The following ZNF28 variants were observed in gnomAD, a reference collection of about 807,000 sequenced individuals.
The protein encoded by ZNF28 is zinc finger protein 28.
ZNF28 carries 5 observed loss-of-function variants against 7.2 expected under a neutral mutation model. The ratio of observed to expected loss-of-function variants is 0.70; its 90% CI spans 0.36 to 1.46. ZNF28 has a LOEUF of 1.46. Among genes scored for constraint, ZNF28 ranks in the 40% most tolerant of loss-of-function variants. The pLI, the probability that ZNF28 is intolerant of heterozygous loss-of-function variation, is 0.03. For synonymous variants in ZNF28, 288 were observed against 292.4 expected, an observed-to-expected ratio of 0.99 and a Z score of 0.15; for missense variants, 879 against 866.6, an observed-to-expected ratio of 1.01 and a Z score of -0.18.
chr19:52,798,999 T>C lies in ZNF28; in HGVS notation c.*689A>G, dbSNP rs113544382. The C allele has an allele frequency of 8.2e-4, 749 of 909,026 alleles. 4 individuals are homozygous for C. In the African/African-American group the frequency reaches 0.011, roughly 13 times the overall value. 56.3% of individuals were successfully genotyped at this position (909,026 alleles called of 1,614,324 possible). A position where few individuals can be genotyped will look rare whatever the true frequency, so the allele number is the denominator to read the frequency against. ...AGGTGTGAATCACTCCCAAAAGCCT[T>C]GTTACAAACCTTACATTTGTATGTT... On this transcript the variant is annotated 3_prime_UTR_variant, in exon 4 of 4. Transcript: ENST00000457749.
chr19:52,807,859 A>G (rs1465980220), intron 3 of ZNF28, 148 bp downstream of exon 3: 1 of 1,264,134 alleles, frequency 7.9e-7, no homozygotes, highest in Non-Finnish European at 1.1e-6. Context: ...CAAAGGGGAC[A>G]GTGAAAGTCC....
chr19:52,811,949 C>T (rs2063052594), intron 2 of ZNF28, among the ~76,000 whole-genome samples: 1 of 64,602 alleles, frequency 1.5e-5, no homozygotes, highest in Admixed American at 1.2e-4. Flanking sequence ...CGCCTCTGCC[C>T]GGCCGCCCCT....
rs1373491106 is a variant in ZNF28, at chr19:52,817,981, T to C, written c.-23A>G. ...CATCCCTGACTCCTTTGCTTTCCTC[T>C]TCCTCTTCTGGGTTTCTTCCTCACG... On this transcript the variant is annotated 5_prime_UTR_variant, in exon 2 of 4. Coordinates refer to ENST00000457749, the MANE Select transcript of ZNF28 (RefSeq NM_006969.5). 4 of 1,610,908 alleles carry C rather than the reference T, an allele frequency of 2.5e-6. No homozygotes were observed. The highest frequency in any genetic ancestry group is 3.4e-6 in the Non-Finnish European group (4 of 1,179,784).
At position 52,799,216 on chromosome 19, in the gene ZNF28, GA is replaced by G; in HGVS notation, c.*471del. 2.5e-6 allele frequency: 1 copy of G among 392,420 alleles called. No homozygotes were observed. The highest frequency in any genetic ancestry group is 5.0e-6 in the Non-Finnish European group (1 of 201,752). 24.3% of individuals were successfully genotyped at this position (392,420 alleles called of 1,614,324 possible). A position where few individuals can be genotyped will look rare whatever the true frequency, so the allele number is the denominator to read the frequency against. On this transcript the variant is annotated 3_prime_UTR_variant, in exon 4 of 4. Coordinates refer to ENST00000457749, the MANE Select transcript of ZNF28 (RefSeq NM_006969.5). The stretch of plus-strand genomic sequence containing the variant: ...TTCTCTCCAATACGAATTGCCTTTT[GA>G]ATTACAAGGTATGAATTTTGACCAA...
In ZNF28 at chr19:52,810,593, C is replaced by T. The variant is rs1384049054; in HGVS notation, c.16-2460G>A. 7.1e-6 allele frequency: 11 copies of T among 1,558,588 alleles called. No individual in the cohort carries two copies. In the East Asian group the frequency reaches 1.1e-4, roughly 16 times the overall value. Reference sequence around the variant, plus strand: ...TCTTCCACGAGCCCGCTACCGCGCCCGACCACCAACTACAGCAGTTCCTGC... The same window carrying T: ...TCTTCCACGAGCCCGCTACCGCGCCTGACCACCAACTACAGCAGTTCCTGC... On this transcript the variant is annotated intron_variant, in intron 2 of 3. Coordinates refer to ENST00000457749, the MANE Select transcript of ZNF28 (RefSeq NM_006969.5).
In ZNF28 at chr19:52,801,037, G is replaced by A. The variant is rs1463833520; in HGVS notation, c.808C>T (p.Pro270Ser). ...CHRRSHIDEK[P>S]YKCNECGKIF... is the part of the protein sequence containing the mutation. ...TTGCCACACTCATTACACTTGTAAG[G>A]TTTCTCATCAATGTGAGATCTACGA... The change falls in exon 4 of 4, where the codon CCT becomes TCT. Residue 270 changes from proline (P) to serine (S), a missense_variant. This residue lies in a region of ZNF28 where 864 missense variants were observed against 830.2 expected (regional missense o/e 1.04). Transcript: ENST00000457749. The A allele has an allele frequency of 1.2e-6, 2 of 1,613,980 alleles. No individual in the cohort carries two copies. Among genetic ancestry groups the A allele is most frequent in the African/African-American group, 1.3e-5 (1 of 74,892 alleles).
chr19:52,812,334 G>A (rs1336690563), intron 2 of ZNF28, among the ~76,000 whole-genome samples: 1 of 141,990 alleles, frequency 7.0e-6, no homozygotes, highest in Non-Finnish European at 1.5e-5. Flanking sequence ...GGCGGGAAGG[G>A]TGGGGAAGAA....
chr19:52,804,955 T>A (rs1254193606), intron 3 of ZNF28, among the ~76,000 whole-genome samples: 1 of 152,192 alleles, frequency 6.6e-6, no homozygotes. Flanking sequence ...AGCCATCTAA[T>A]AGCACTAACA....
rs774528501 is a variant in ZNF28, at chr19:52,801,187, T to C, written c.658A>G (p.Ser220Gly). The change falls in exon 4 of 4, where the codon AGT becomes GGT. Residue 220 changes from serine (S) to glycine (G), a missense_variant. Physicochemically the swap from Ser to Gly is moderately conservative, Grantham distance 56. Coordinates refer to ENST00000457749, the MANE Select transcript of ZNF28 (RefSeq NM_006969.5). ...GAGCTACAATTAAAGGATTTGCCAC[T>C]CTCAATACATTGGAAAGATTTTTCT... ...MREKSFQCIE[S>G]GKSFNCSSLL... 2.2e-5 allele frequency: 36 copies of C among 1,614,088 alleles called. No individual in the cohort carries two copies. Among genetic ancestry groups the C allele is most frequent in the Non-Finnish European group, 3.1e-5 (36 of 1,180,050 alleles).
chr19:52,818,870 T>C (rs572109121), intron 1 of ZNF28, among the ~76,000 whole-genome samples: 1 of 120,238 alleles, frequency 8.3e-6, no homozygotes, highest in African/African-American at 3.7e-5. Context: ...GAGGACAGAA[T>C]GAGAGTCTGT....
chr19:52,810,290 G>C, intron 2 of ZNF28: 2 of 1,505,678 alleles, frequency 1.3e-6, no homozygotes, highest in South Asian at 1.1e-5. Flanking sequence ...TTGAGGAGAA[G>C]ATGGAGGCTG....
At chr19:52,816,980 C>A (rs1434603421) in intron 2 of ZNF28, among the ~76,000 whole-genome samples, 3 of 151,972 alleles carry the variant, frequency 2.0e-5, no homozygotes, top group Non-Finnish European at 2.9e-5. Context: ...TTTCACAAGC[C>A]TCTCCACAGT....
At chr19:52,806,801 C>G (rs1362639995) in intron 3 of ZNF28, among the ~76,000 whole-genome samples, 1 of 151,938 alleles carries the variant, frequency 6.6e-6, no homozygotes, top group African/African-American at 2.4e-5. Context: ...ACTCAGGAAT[C>G]TGGGGCATAA....
At position 52,809,998 on chromosome 19, in the gene ZNF28, A is replaced by G. The variant is rs977497521; in HGVS notation, c.16-1865T>C. 21 of 764,264 alleles carry G rather than the reference A, an allele frequency of 2.7e-5. No homozygotes were observed. The African/African-American group carries it at 2.9e-4, about 11-fold the overall frequency. The allele number at this position is 764,264 out of a possible 1,614,324, so 47.3% of individuals were successfully genotyped here. On this transcript the variant is annotated intron_variant, in intron 2 of 3. Coordinates refer to ENST00000457749, the MANE Select transcript of ZNF28 (RefSeq NM_006969.5). ...CTGGAGTCTGAGGAACTGGAGCCTG[A>G]GGAGCTGCTGTTGGAGCCGGAGCCC...
Position 52,799,382 on chromosome 19 carries a change from A to T in ZNF28, c.*306T>A. Reference sequence around the variant, plus strand: ...GTTTCTCTTCAGCATGCATTTTCTTATGTGTTTCAAGGTTTGATTTGCAAC... The same window carrying T: ...GTTTCTCTTCAGCATGCATTTTCTTTTGTGTTTCAAGGTTTGATTTGCAAC... On this transcript the variant is annotated 3_prime_UTR_variant, in exon 4 of 4. Coordinates refer to ENST00000457749, the MANE Select transcript of ZNF28 (RefSeq NM_006969.5). 1.7e-6 allele frequency: 1 copy of T among 597,182 alleles called. No individual in the cohort carries two copies. The highest frequency in any genetic ancestry group is 3.0e-6 in the Non-Finnish European group (1 of 330,498). 37.0% of individuals were successfully genotyped at this position (597,182 alleles called of 1,614,324 possible).
intron 3 of ZNF28, 119 bp from the exon 4 acceptor site, chr19:52,801,821 A>C: frequency 1.0e-6 from 1 of 968,462 alleles, no homozygotes; most frequent in Non-Finnish European, 1.5e-6. Flanking sequence ...ATGATCTTCA[A>C]AGTTTAAGAA....
chr19:52,810,424 AT>A (rs1280454362), intron 2 of ZNF28: 6 of 1,603,538 alleles, frequency 3.7e-6, no homozygotes, highest in Middle Eastern at 3.5e-4. Context: ...TTTAGTGGCC[AT>A]CCCAAAGGGT....
intron 3 of ZNF28, among the ~76,000 whole-genome samples, chr19:52,803,732 T>A (rs148962174): frequency 6.4e-4 from 98 of 152,246 alleles, no homozygotes; most frequent in Non-Finnish European, 1.2e-3. Flanking sequence ...TTTGGTAGGC[T>A]GAGGCAGGTA....
rs759988930 is a variant in ZNF28, at chr19:52,800,958, T to G, written c.887A>C (p.Asp296Ala). ...ACATTCTTCACATTCATAAGGTTTG[T>G]CTGCAGTATGAAGCGCCTTGTGAAG... ...LFLHKALHTADKPYECEECDK... is the reference protein window; with the variant it reads ...LFLHKALHTAAKPYECEECDK... The change falls in exon 4 of 4, where the codon GAC (aspartate) becomes GCC (alanine). Residue 296 changes from aspartate (D) to alanine (A), a missense_variant. By Grantham distance (126) the Asp-to-Ala change is moderately radical. Coordinates refer to ENST00000457749, the MANE Select transcript of ZNF28 (RefSeq NM_006969.5). The G allele has an allele frequency of 1.5e-5, 24 of 1,614,070 alleles. No homozygotes were observed. The Admixed American group carries it at 4.0e-4, about 27-fold the overall frequency.
Sources: gnomAD v4.1 joint callset for allele counts (sites outside exome capture counted in the v4.1 genomes callset) on GRCh38, gnomAD v4.1.1 for gene constraint, gnomAD v4.1.1 regional missense constraint, MANE v1.5 for transcripts, NCBI Gene and HGNC (gene_info 2026-07-23, HGNC 2026-07-21) for gene names.